Variants in GSE1 observed in about 807,000 individuals in gnomAD.
GSE1 encodes genetic suppressor element 1.
In GSE1, 32 loss-of-function variants were observed where a neutral mutation model predicts 112.6. The ratio of observed to expected loss-of-function variants is 0.28; its 90% confidence interval spans 0.21 to 0.38. The LOEUF (loss-of-function observed/expected upper bound fraction) is 0.38, where lower values mean the gene tolerates loss of function less well. Ranked by LOEUF, GSE1 falls within the 10% of genes least tolerant of loss-of-function variation. GSE1 has a pLI of 1.00. For synonymous variants in GSE1, 1,115 were observed against 735.6 expected (o/e 1.52, Z -8.35); for missense variants, 2,348 against 1,699.2 (o/e 1.38, Z -6.71).
chr16:85,321,999 C>T (rs1024039111), intron 1 of GSE1, among the ~76,000 whole-genome samples: 1 of 152,236 alleles, frequency 6.6e-6, no homozygotes, highest in Middle Eastern at 3.2e-3. Flanking sequence ...CCCACTGAGC[C>T]TGGCCGCGGC....
chr16:85,244,668 A>G (rs1905443339), intron 1 of GSE1, among the ~76,000 whole-genome samples: 1 of 150,636 alleles, frequency 6.6e-6, no homozygotes, highest in South Asian at 2.1e-4. Context: ...TGGGCAACAT[A>G]GTGAGACCCC....
At chr16:85,268,430 C>A (rs539769804) in intron 1 of GSE1, among the ~76,000 whole-genome samples, 2 of 152,222 alleles carry the variant, frequency 1.3e-5, no homozygotes, top group South Asian at 2.1e-4. Flanking sequence ...CTCCCCTTCC[C>A]CGTCTGGCCC....
chr16:85,579,527 CG>C (rs1215259047), intron 1 of GSE1, among the ~76,000 whole-genome samples: 5 of 152,144 alleles, frequency 3.3e-5, no homozygotes, highest in African/African-American at 1.2e-4. Context: ...ACTCACAGGC[CG>C]GGCAGGCAGG....
chr16:85,668,570 C>T, intron 14 of GSE1, 146 bp downstream of exon 14: 6 of 632,784 alleles, frequency 9.5e-6, no homozygotes, highest in South Asian at 6.0e-5. Context: ...CTGGAAGTTT[C>T]TTCCGGCTTC....
intron 1 of GSE1, among the ~76,000 whole-genome samples, chr16:85,173,966 G>A (rs1436755758): frequency 2.0e-5 from 3 of 152,172 alleles, no homozygotes; most frequent in Non-Finnish European, 4.4e-5. Flanking sequence ...TTATAGACGA[G>A]TCAACCAAGA....
At chr16:85,487,897 C>T (rs926421358) in intron 2 of GSE1, among the ~76,000 whole-genome samples, 7 of 152,170 alleles carry the variant, frequency 4.6e-5, no homozygotes, top group East Asian at 1.9e-4. Flanking sequence ...AAGGGTGGTT[C>T]GGGGCAAGGG....
intron 1 of GSE1, among the ~76,000 whole-genome samples, chr16:85,289,372 G>T (rs2045137847): frequency 6.6e-6 from 1 of 152,094 alleles, no homozygotes; most frequent in South Asian, 2.1e-4. Flanking sequence ...GGCCACCCGT[G>T]TCCAGCTCAG....
chr16:85,388,703 G>C (rs1419228084), intron 2 of GSE1, among the ~76,000 whole-genome samples: 2 of 152,196 alleles, frequency 1.3e-5, no homozygotes, highest in East Asian at 3.9e-4. Context: ...TAGATGGATG[G>C]ATGGGTGGAT....
chr16:85,195,982 T>C (rs2074918898), intron 1 of GSE1, among the ~76,000 whole-genome samples: 1 of 152,156 alleles, frequency 6.6e-6, no homozygotes, highest in Admixed American at 6.5e-5. Flanking sequence ...ACCGATGCTG[T>C]GTTTGACACG....
rs2048784677 is a variant in GSE1, at chr16:85,419,673, G to A, written c.2464+62030G>A. ...GCCAGAACATGCCAGCCTTTCTCAT[G>A]CCTCGGGTGCAGTCGTGTGCAACGG... On this transcript the variant is annotated intron_variant, in intron 2 of 2. Coordinates refer to the GSE1 transcript ENST00000637419. The surrounding 1 kb of genome is among the most constrained non-coding windows in gnomAD (Gnocchi z 6.5). 6.6e-6 allele frequency among the ~76,000 whole-genome samples: 1 copy of A among 151,868 alleles called. No individual in the cohort carries two copies. The highest frequency in any genetic ancestry group is 2.4e-5 in the African/African-American group (1 of 41,374).
rs561309989 is a variant in GSE1 at position 85,646,899 on chromosome 16, G to C, written c.227-1653G>C. 1.9e-3 allele frequency among the ~76,000 whole-genome samples: 294 copies of C among 152,088 alleles called. 2 individuals carry two copies. The highest frequency in any genetic ancestry group is 3.4e-3 in the Middle Eastern group (1 of 294). On this transcript the variant is annotated intron_variant, in intron 2 of 15. Transcript: ENST00000253458. ...GGCTTGATCCCCACAACAAGGGGGG[G>C]GGTGGGGGCTCCGGAAGCGAGGCTG...
chr16:85,358,109 C>G (rs2046990517), intron 2 of GSE1, among the ~76,000 whole-genome samples: 1 of 152,132 alleles, frequency 6.6e-6, no homozygotes, highest in Admixed American at 6.5e-5. Flanking sequence ...GCCGTCCTCC[C>G]CCTCCCACTC....
In GSE1 at chr16:85,271,174, A is replaced by T. The variant is rs576264341; in HGVS notation, c.2284-86289A>T. Among the ~76,000 whole-genome samples, 255 of 151,812 alleles carry T rather than the reference A, an allele frequency of 1.7e-3. 2 individuals carry two copies. The highest frequency in any genetic ancestry group is 5.8e-3 in the African/African-American group (241 of 41,372). On this transcript the variant is annotated intron_variant, in intron 1 of 2. Transcript: ENST00000637419. The stretch of plus-strand genomic sequence containing the variant: ...GGGAATTGGTGTATAAATATCCCAG[A>T]TCCCTCCTGTAGGTGGACCACGGAA...
chr16:85,246,412 C>G (rs1905776532), intron 1 of GSE1, among the ~76,000 whole-genome samples: 1 of 137,640 alleles, frequency 7.3e-6, no homozygotes, highest in Admixed American at 7.4e-5. Flanking sequence ...TCTACACACA[C>G]ACACACACAC....
Position 85,633,999 on chromosome 16 carries a change from C to T in GSE1, c.93C>T (p.Pro31=), listed in dbSNP as rs765186908. The T allele has an allele frequency of 3.4e-5, 55 of 1,612,870 alleles. No homozygotes were observed. The highest frequency in any genetic ancestry group is 4.4e-5 in the Non-Finnish European group (52 of 1,179,724). The change falls in exon 2 of 16, where the codon CCC becomes CCT. Residue 31 remains proline, a synonymous_variant. Coordinates refer to ENST00000253458, the MANE Select transcript of GSE1 (RefSeq NM_014615.5). The part of the protein sequence containing the change: ...RTTATVNPLT[P]SPLNGALVPS... ...CCGCCACCGTCAACCCCCTCACCCC[C>T]TCGCCGCTCAATGGCGCCCTGGTGC...
At chr16:85,384,406 C>G (rs995876170) in intron 2 of GSE1, among the ~76,000 whole-genome samples, 3 of 152,230 alleles carry the variant, frequency 2.0e-5, no homozygotes, top group African/African-American at 7.2e-5. Context: ...GACCTCAGAC[C>G]ATTCTCTCAA....
intron 1 of GSE1, among the ~76,000 whole-genome samples, chr16:85,268,845 C>T (rs1326445015): frequency 6.6e-6 from 1 of 152,170 alleles, no homozygotes; most frequent in African/African-American, 2.4e-5. Context: ...CCCGTGCTCT[C>T]TCCACACTCA....
intron 2 of GSE1, among the ~76,000 whole-genome samples, chr16:85,403,102 T>C (rs2048157165): frequency 6.7e-6 from 1 of 150,060 alleles, no homozygotes; most frequent in South Asian, 2.1e-4. Flanking sequence ...GGGGGGGGAC[T>C]CAGTTCCTCT....
At chr16:85,256,546 C>T (rs1907102470) in intron 1 of GSE1, among the ~76,000 whole-genome samples, 2 of 152,254 alleles carry the variant, frequency 1.3e-5, no homozygotes, top group Admixed American at 1.3e-4. Context: ...CTTGGCGAAG[C>T]TCCCACTGGG....
Sources: allele counts gnomAD v4.1 joint callset (sites outside exome capture counted in the v4.1 genomes callset), GRCh38; gene constraint gnomAD v4.1.1; non-coding constraint Gnocchi (gnomAD v3.1); transcripts MANE v1.5; gene names NCBI Gene and HGNC (gene_info 2026-07-23, HGNC 2026-07-21).